The following CGNL1 variants were observed in gnomAD, a reference collection of about 807,000 sequenced individuals.
The protein encoded by CGNL1 is cingulin like 1, also known as cingulin-like protein 1.
CGNL1 carries 132 observed loss-of-function variants against 141.2 expected under a neutral mutation model. That is an observed-to-expected ratio of 0.93 (90% CI 0.81 to 1.08). The LOEUF (loss-of-function observed/expected upper bound fraction) is 1.08. Among genes scored for constraint, CGNL1 ranks in the 50% least tolerant of loss-of-function variants. The pLI is 0.00. For missense variants in CGNL1, 1,870 were observed against 1,588.6 expected, an observed-to-expected ratio of 1.18 and a Z score of -3.01; for synonymous variants, 690 against 622.1, an observed-to-expected ratio of 1.11 and a Z score of -1.63.
intron 14 of CGNL1, among the ~76,000 whole-genome samples, chr15:57,537,269 G>A (rs1011573054): frequency 6.6e-6 from 1 of 152,176 alleles, no homozygotes; most frequent in Non-Finnish European, 1.5e-5. Flanking sequence ...GACTGAGCAA[G>A]GCTGCCTTGT....
chr15:57,518,464 A>T lies in CGNL1; in HGVS notation c.2682A>T (p.Arg894Ser). Residue 894 changes from arginine (R) to serine (S), a missense_variant, in exon 10 of 19, where the codon AGA (arginine) becomes AGT (serine). By Grantham distance (110) the Arg-to-Ser change is moderately radical. Transcript: ENST00000281282. ...RKEEKEAVSA[R>S]RALENELEAA... is the part of the protein sequence containing the mutation. ...AAGAAAAAGAAGCTGTGTCAGCCAG[A>T]AGGGCCCTGGAGAATGAACTGGAGG... is the stretch of plus-strand genomic sequence containing the variant. 6.2e-7 allele frequency: 1 copy of T among 1,612,118 alleles called. No individual in the cohort carries two copies.
chr15:57,490,405 C>T (rs1351538195), intron 8 of CGNL1, among the ~76,000 whole-genome samples: 1 of 152,004 alleles, frequency 6.6e-6, no homozygotes, highest in African/African-American at 2.4e-5. Context: ...CAAACACACA[C>T]ACACACGCAC....
At chr15:57,483,301 G>A (rs2063748902) in intron 8 of CGNL1, among the ~76,000 whole-genome samples, 1 of 152,056 alleles carries the variant, frequency 6.6e-6, no homozygotes, top group South Asian at 2.1e-4. Flanking sequence ...TTATACCTAA[G>A]GGTTTAATGT....
In CGNL1 at chr15:57,518,809, T is replaced by C. The variant is rs138361461; in HGVS notation, c.2715+312T>C. Among the ~76,000 whole-genome samples the C allele has an allele frequency of 3.2e-3, 492 of 152,316 alleles. 1 individual carries two copies. Among genetic ancestry groups the C allele is most frequent in the African/African-American group, 0.011 (471 of 41,570 alleles). On this transcript the variant is annotated intron_variant, in intron 10 of 18. Coordinates refer to ENST00000281282, the MANE Select transcript of CGNL1 (RefSeq NM_032866.5). ...ACAGGACAGCCCCCACTGCAAAGAA[T>C]GATCAGGCCCCAAATGTCAGTAATG...
intron 8 of CGNL1, among the ~76,000 whole-genome samples, chr15:57,482,768 A>G (rs1436646798): frequency 6.7e-6 from 1 of 148,626 alleles, no homozygotes; most frequent in Non-Finnish European, 1.5e-5. Context: ...TAGTTACTTT[A>G]CCTTTTCTTT....
intron 8 of CGNL1, among the ~76,000 whole-genome samples, chr15:57,480,594 G>C (rs1766914212): frequency 6.6e-6 from 1 of 152,144 alleles, no homozygotes; most frequent in Non-Finnish European, 1.5e-5. Context: ...TTTGTCTGTG[G>C]GGGAAAATAC....
At chr15:57,461,629 T>C (rs1217189775) in intron 7 of CGNL1, 51 bp from the exon 8 acceptor site, 1 of 1,521,936 alleles carries the variant, frequency 6.6e-7, no homozygotes, top group African/African-American at 1.4e-5. Flanking sequence ...ACAGGGCCTC[T>C]CAACAAGATG....
At chr15:57,431,574 T>C (rs1293375392) in intron 1 of CGNL1, among the ~76,000 whole-genome samples, 2 of 152,220 alleles carry the variant, frequency 1.3e-5, no homozygotes, top group African/African-American at 4.8e-5. Context: ...GTCTTCCCAC[T>C]AGTTCCACAG....
chr15:57,518,861 C>T (rs920067657), intron 10 of CGNL1, among the ~76,000 whole-genome samples: 12 of 152,228 alleles, frequency 7.9e-5, no homozygotes, highest in South Asian at 2.1e-4. Flanking sequence ...TCCGTTTAGA[C>T]GTTAAAGAGC....
rs1273203778 is a variant in CGNL1, at chr15:57,439,449, G to A, written c.1450G>A (p.Ala484Thr). 5.6e-6 allele frequency: 9 copies of A among 1,614,206 alleles called. No homozygotes were observed. Among genetic ancestry groups the A allele is most frequent in the Non-Finnish European group, 7.6e-6 (9 of 1,180,044 alleles). ...TAGTCAGGAAAGTACAGTGATCCGT[G>A]CGCCCTCCCTTGGTGCACAGAGTAA... is the stretch of plus-strand genomic sequence containing the variant. Reference protein sequence around the residue: ...EGSQESTVIRAPSLGAQSKKE... With the variant: ...EGSQESTVIRTPSLGAQSKKE... Residue 484 changes from alanine (A) to threonine (T), a missense_variant, in exon 2 of 19, where the codon GCG becomes ACG. Ala to Thr is a moderately conservative substitution (Grantham distance 58, BLOSUM62 0). Coordinates refer to ENST00000281282, the MANE Select transcript of CGNL1 (RefSeq NM_032866.5).
chr15:57,498,104 C>T lies in CGNL1; in HGVS notation c.2404-18676C>T, dbSNP rs115163904. ...GCACCAAGCACTCTGCAGCTTTACC[C>T]GTCTCACCCAAATAGAGTTAAGGCT... is the stretch of plus-strand genomic sequence containing the variant. On this transcript the variant is annotated intron_variant, in intron 8 of 18. Transcript: ENST00000281282. 4.0e-3 allele frequency among the ~76,000 whole-genome samples: 612 copies of T among 152,238 alleles called. 4 individuals are homozygous for T. The highest frequency in any genetic ancestry group is 0.014 in the African/African-American group (566 of 41,546).
chr15:57,472,464 G>T (rs1033653745), intron 8 of CGNL1, among the ~76,000 whole-genome samples: 9 of 152,148 alleles, frequency 5.9e-5, no homozygotes, highest in Non-Finnish European at 1.0e-4. Flanking sequence ...TTTTGTGGGG[G>T]AGTGTGAATG....
In CGNL1 at chr15:57,543,810, C is replaced by T. The variant is rs757539605; in HGVS notation, c.3375+31C>T. 28 of 1,539,170 alleles carry T rather than the reference C, an allele frequency of 1.8e-5. No homozygotes were observed. The Middle Eastern group carries it at 5.3e-4, about 29-fold the overall frequency. On this transcript the variant is annotated intron_variant, in intron 15 of 18. Coordinates refer to ENST00000281282, the MANE Select transcript of CGNL1 (RefSeq NM_032866.5). Reference sequence around the variant, plus strand: ...GGCAGCCAGCCTGTGAGCTGCCCCCCCGTCCATCCGCTAACCCTCCCCCAC... The same window carrying T: ...GGCAGCCAGCCTGTGAGCTGCCCCCTCGTCCATCCGCTAACCCTCCCCCAC...
intron 1 of CGNL1, among the ~76,000 whole-genome samples, chr15:57,425,644 G>A (rs1182674988): frequency 1.3e-5 from 2 of 151,836 alleles, no homozygotes; most frequent in African/African-American, 2.4e-5. Flanking sequence ...GGGAGGCTGA[G>A]GTGGGAGAAT....
In CGNL1 at chr15:57,453,752, A is replaced by G; in HGVS notation, c.2124A>G (p.Ser708=). 6.2e-7 allele frequency: 1 copy of G among 1,613,912 alleles called. No individual in the cohort carries two copies. Among genetic ancestry groups the G allele is most frequent in the Non-Finnish European group, 8.5e-7 (1 of 1,179,850 alleles). ...TEIRDLQDQL[S]EMHDELDSAK... ...TCAGGGATCTCCAGGACCAGCTCTC[A>G]GAAATGCACGATGAACTGGACAGTG... The change falls in exon 7 of 19, where the codon TCA becomes TCG. Residue 708 remains serine (S), a synonymous_variant. Coordinates refer to ENST00000281282, the MANE Select transcript of CGNL1 (RefSeq NM_032866.5).
rs2063172786 is a variant in CGNL1 at position 57,440,462 on chromosome 15, T to A, written c.1688T>A (p.Leu563His). Residue 563 changes from leucine (L) to histidine (H), a missense_variant, in exon 3 of 19, where the codon CTC becomes CAC. Leu to His is a moderately conservative substitution (Grantham distance 99, BLOSUM62 -3). Transcript: ENST00000281282. ...ETAKQILYNY[L>H]KEGSTDNDDA... ...GCTAAGCAGATTCTCTACAATTACC[T>A]CAAAGAAGGGTTAGTGATTTTCCCT... 1 of 1,585,510 alleles carries A rather than the reference T, an allele frequency of 6.3e-7. No individual in the cohort carries two copies. Among genetic ancestry groups the A allele is most frequent in the Non-Finnish European group, 8.6e-7 (1 of 1,163,176 alleles).
intron 8 of CGNL1, among the ~76,000 whole-genome samples, chr15:57,500,198 C>A (rs1198899785): frequency 2.6e-5 from 4 of 152,160 alleles, no homozygotes; most frequent in African/African-American, 9.7e-5. Flanking sequence ...CCACTGTCAA[C>A]AGCTGAAAAC....
chr15:57,504,827 C>T (rs930783613), intron 8 of CGNL1, among the ~76,000 whole-genome samples: 3 of 152,170 alleles, frequency 2.0e-5, no homozygotes, highest in African/African-American at 7.2e-5. Context: ...TTGCATGTGC[C>T]TGGAGGAGAG....
intron 1 of CGNL1, among the ~76,000 whole-genome samples, chr15:57,415,332 A>G (rs1207638970): frequency 2.0e-5 from 3 of 152,218 alleles, no homozygotes; most frequent in Non-Finnish European, 4.4e-5. Flanking sequence ...GATAATCACA[A>G]GAGTCCTTAT....
Sources: gnomAD v4.1 joint callset for allele counts (sites outside exome capture counted in the v4.1 genomes callset) on GRCh38, gnomAD v4.1.1 for gene constraint, MANE v1.5 for transcripts, NCBI Gene and HGNC (gene_info 2026-07-23, HGNC 2026-07-21) for gene names.